Variants in KCNQ3 observed in about 807,000 individuals in gnomAD.
KCNQ3 encodes the protein potassium voltage-gated channel subfamily Q member 3.
KCNQ3 carries 30 observed loss-of-function variants against 92.5 expected under a neutral mutation model. That is an observed-to-expected ratio of 0.32 (90% CI 0.24 to 0.44). The LOEUF (loss-of-function observed/expected upper bound fraction) is 0.44. KCNQ3 is among the 20% of genes least tolerant of loss of function. KCNQ3 has a pLI of 1.00. For missense variants in KCNQ3, 913 were observed against 1,140.3 expected (o/e 0.80, Z 2.87); for synonymous variants, 450 against 468.8 (o/e 0.96, Z 0.52).
intron 1 of KCNQ3, among the ~76,000 whole-genome samples, chr8:132,384,331 G>A (rs1819837261): frequency 6.6e-6 from 1 of 152,194 alleles, no homozygotes; most frequent in Non-Finnish European, 1.5e-5. Context: ...AAGGATGAAT[G>A]AGCGATTTCT....
At chr8:132,138,418 A>C (rs1308790232) in intron 11 of KCNQ3, among the ~76,000 whole-genome samples, 1 of 152,172 alleles carries the variant, frequency 6.6e-6, no homozygotes, top group Non-Finnish European at 1.5e-5. Context: ...CTGGTCCTCA[A>C]ACCCAGACAG....
chr8:132,439,434 GGT>G (rs770232843), intron 1 of KCNQ3, among the ~76,000 whole-genome samples: 20 of 152,092 alleles, frequency 1.3e-4, no homozygotes, highest in Non-Finnish European at 2.1e-4. Flanking sequence ...TGAGAAAGAA[GGT>G]GCTTCCATTA....
chr8:132,415,976 T>C (rs1440371457), intron 1 of KCNQ3, among the ~76,000 whole-genome samples: 1 of 152,176 alleles, frequency 6.6e-6, no homozygotes, highest in Admixed American at 6.5e-5. Flanking sequence ...TATGCCTTCA[T>C]TTCTCCAAAG....
chr8:132,346,982 C>T (rs1182504971), intron 1 of KCNQ3, among the ~76,000 whole-genome samples: 1 of 152,120 alleles, frequency 6.6e-6, no homozygotes, highest in Non-Finnish European at 1.5e-5. Context: ...GTTGTTTCGA[C>T]GGCGTTGAAT....
chr8:132,283,105 G>GTA lies in KCNQ3; in HGVS notation c.387-96925_387-96924insTA, dbSNP rs1586893873. 3.3e-5 allele frequency among the ~76,000 whole-genome samples: 5 copies of GTA among 152,138 alleles called. No homozygotes were observed. The East Asian group carries it at 9.7e-4, about 29-fold the overall frequency. ...CTCTCTCTCTCTCGTGTGTGTGTGT[G>GTA]TGTGTGTGTGTGTGTTTGGTGGAAG... On this transcript the variant is annotated intron_variant, in intron 1 of 14. Transcript: ENST00000388996.
chr8:132,346,038 CATGATG>C (rs1563871140), intron 1 of KCNQ3, among the ~76,000 whole-genome samples: 2 of 151,394 alleles, frequency 1.3e-5, no homozygotes, highest in East Asian at 1.9e-4. Flanking sequence ...ATGAAAAGGT[CATGATG>C]GTGATGGTGA....
intron 1 of KCNQ3, among the ~76,000 whole-genome samples, chr8:132,216,731 A>ATCATTTGGT (rs1374395912): frequency 1.3e-5 from 2 of 152,174 alleles, no homozygotes; most frequent in Admixed American, 6.5e-5. Flanking sequence ...TACACACACT[A>ATCATTTGGT]TCATTTGGTT....
At chr8:132,363,850 A>G (rs1036207884) in intron 1 of KCNQ3, among the ~76,000 whole-genome samples, 10 of 151,732 alleles carry the variant, frequency 6.6e-5, no homozygotes, top group Admixed American at 4.6e-4. Context: ...GCTTTGTGAC[A>G]GGAACTGGTG....
chr8:132,201,398 G>A (rs1827455363), intron 1 of KCNQ3, among the ~76,000 whole-genome samples: 1 of 152,030 alleles, frequency 6.6e-6, no homozygotes, highest in Admixed American at 6.5e-5. Flanking sequence ...ATTTAAATCA[G>A]ACATGGGTGA....
At chr8:132,238,723 C>A (rs1031351676) in intron 1 of KCNQ3, among the ~76,000 whole-genome samples, 1 of 152,116 alleles carries the variant, frequency 6.6e-6, no homozygotes, top group East Asian at 1.9e-4. Flanking sequence ...ATACTCTAAG[C>A]ATGATGAATG....
chr8:132,178,855 A>G (rs1826655079), intron 4 of KCNQ3, among the ~76,000 whole-genome samples: 1 of 151,460 alleles, frequency 6.6e-6, no homozygotes, highest in Non-Finnish European at 1.5e-5. Context: ...CCTCAGGTCC[A>G]GCTCTCCAGA....
At chr8:132,148,723 T>A (rs1006119069) in intron 9 of KCNQ3, among the ~76,000 whole-genome samples, 2 of 152,158 alleles carry the variant, frequency 1.3e-5, no homozygotes, top group Non-Finnish European at 2.9e-5. Flanking sequence ...GGGAAAAGGG[T>A]GAATTCACTC....
intron 1 of KCNQ3, among the ~76,000 whole-genome samples, chr8:132,347,106 G>T (rs1248252416): frequency 6.6e-6 from 1 of 152,194 alleles, no homozygotes; most frequent in African/African-American, 2.4e-5. Context: ...GTCTGAGTCT[G>T]TACCCCTGGG....
At chr8:132,204,539 T>C (rs117121419) in intron 1 of KCNQ3, among the ~76,000 whole-genome samples, 5,744 of 152,290 alleles carry the variant, frequency 0.038, 143 homozygotes, top group Non-Finnish European at 0.056. Flanking sequence ...ATCAGGGCAA[T>C]TGTTCTGCTC....
In KCNQ3 at chr8:132,134,325, C is replaced by G. The variant is rs760012446; in HGVS notation, c.1764G>C (p.Gly588=). 1.2e-6 allele frequency: 2 copies of G among 1,614,006 alleles called. No homozygotes were observed. The highest frequency in any genetic ancestry group is 8.5e-7 in the Non-Finnish European group (1 of 1,179,964). ...GCTGGGATGGGAAGGTGAATGCTGA[C>G]CCTTTCTGAGACTTCTTGTGTTTTG... is the stretch of plus-strand genomic sequence containing the variant. ...STPKHKKSQK[G]SAFTFPSQQS... is the part of the protein sequence containing the mutation. The change falls in exon 13 of 15, where the codon GGG becomes GGC. Residue 588 remains glycine (G), a synonymous_variant. Coordinates refer to ENST00000388996, the MANE Select transcript of KCNQ3 (RefSeq NM_004519.4).
In KCNQ3 at chr8:132,462,222, G is replaced by A. The variant is rs542429048; in HGVS notation, c.386+17925C>T. 2.1e-4 allele frequency among the ~76,000 whole-genome samples: 31 copies of A among 151,202 alleles called. No homozygotes were observed. The South Asian group carries it at 4.4e-3, about 22-fold the overall frequency. ...ATTTATTTATTTTATTTTTTGAGAC[G>A]GAGTCTTGCTTTGTTGCCCAGGTTG... is the stretch of plus-strand genomic sequence containing the variant. On this transcript the variant is annotated intron_variant, in intron 1 of 14. Coordinates refer to ENST00000388996, the MANE Select transcript of KCNQ3 (RefSeq NM_004519.4).
chr8:132,234,606 A>G (rs1283250162), intron 1 of KCNQ3, among the ~76,000 whole-genome samples: 1 of 152,174 alleles, frequency 6.6e-6, no homozygotes, highest in African/African-American at 2.4e-5. Context: ...GTAGACACCT[A>G]TGCATTCTAT....
At chr8:132,311,966 G>C (rs558780881) in intron 1 of KCNQ3, among the ~76,000 whole-genome samples, 1 of 117,670 alleles carries the variant, frequency 8.5e-6, no homozygotes, top group East Asian at 3.1e-4. Context: ...ATAAACAGAA[G>C]AGGAGAGGAG....
intron 1 of KCNQ3, among the ~76,000 whole-genome samples, chr8:132,374,585 T>C (rs546030453): frequency 1.3e-5 from 2 of 152,322 alleles, no homozygotes; most frequent in Non-Finnish European, 2.9e-5. Flanking sequence ...AGTAAACTCG[T>C]GTTACGGGAG....
Sources: allele counts gnomAD v4.1 joint callset (sites outside exome capture counted in the v4.1 genomes callset), GRCh38; gene constraint gnomAD v4.1.1; transcripts MANE v1.5; gene names NCBI Gene and HGNC (gene_info 2026-07-23, HGNC 2026-07-21).